The following CHST3 variants were observed in gnomAD, a reference collection of about 807,000 sequenced individuals.
The protein encoded by CHST3 is C6ST-1.
CHST3 carries 20 observed loss-of-function variants against 35.4 expected under a neutral mutation model. The ratio of observed to expected loss-of-function variants is 0.57; its 90% CI spans 0.40 to 0.82. CHST3 has a LOEUF of 0.82. Ranked by LOEUF, CHST3 falls within the 40% of genes least tolerant of loss-of-function variation. The pLI, the probability that CHST3 is intolerant of heterozygous loss-of-function variation, is 0.00. For synonymous variants in CHST3, 334 were observed against 295.9 expected (o/e 1.13, Z -1.32); for missense variants, 693 against 670.1 (o/e 1.03, Z -0.38).
chr10:71,989,653 A>G (rs912274658), intron 1 of CHST3, among the ~76,000 whole-genome samples: 1 of 145,610 alleles, frequency 6.9e-6, no homozygotes, highest in African/African-American at 2.8e-5. Context: ...ACTTTCTCTT[A>G]TATTGATATT....
intron 1 of CHST3, among the ~76,000 whole-genome samples, chr10:71,991,149 C>A (rs779764547): frequency 3.3e-5 from 5 of 152,148 alleles, no homozygotes; most frequent in Non-Finnish European, 5.9e-5. Flanking sequence ...ATCACTTTCA[C>A]CCACATCCTA....
intron 1 of CHST3, among the ~76,000 whole-genome samples, chr10:71,972,200 C>T (rs953948994): frequency 2.0e-5 from 3 of 152,088 alleles, no homozygotes; most frequent in Non-Finnish European, 4.4e-5. Context: ...ATGCCACAGC[C>T]GGTGAGGGGC....
chr10:72,005,078 T>C (rs1174041045), intron 1 of CHST3, among the ~76,000 whole-genome samples: 1 of 152,174 alleles, frequency 6.6e-6, no homozygotes, highest in Non-Finnish European at 1.5e-5. Flanking sequence ...TAAACTATGA[T>C]CGTGCCACTG....
rs1002755902 is a variant in CHST3 at position 72,010,289 on chromosome 10, G to C, written c.*1818G>C. On this transcript the variant is annotated 3_prime_UTR_variant, in exon 3 of 3. Coordinates refer to ENST00000373115, the MANE Select transcript of CHST3 (RefSeq NM_004273.5). ...TCCAGAGCTTACAAGGAGCTGCAAG[G>C]GTTTGCCGAGGGCTGCCCAGCTCTG... 3 of 152,260 alleles carry C rather than the reference G, an allele frequency of 2.0e-5. No individual in the cohort carries two copies. Among genetic ancestry groups the C allele is most frequent in the African/African-American group, 7.2e-5 (3 of 41,448 alleles). The allele number at this position is 152,260 out of a possible 1,614,324, so 9.4% of individuals were successfully genotyped here.
intron 1 of CHST3, among the ~76,000 whole-genome samples, chr10:71,977,616 T>A (rs1037798171): frequency 1.3e-5 from 2 of 151,370 alleles, no homozygotes; most frequent in Non-Finnish European, 3.0e-5. Context: ...AATTTTTAAA[T>A]TTTTTTTTAG....
intron 1 of CHST3, among the ~76,000 whole-genome samples, chr10:71,980,348 C>T (rs542952644): frequency 3.3e-5 from 5 of 152,034 alleles, no homozygotes; most frequent in South Asian, 2.1e-4. Flanking sequence ...TACTCCAACC[C>T]GGGCAACAAA....
At chr10:72,005,180 A>G (rs577047922) in intron 1 of CHST3, among the ~76,000 whole-genome samples, 1 of 152,310 alleles carries the variant, frequency 6.6e-6, no homozygotes, top group African/African-American at 2.4e-5. Flanking sequence ...ACTGCTGTCA[A>G]ACATTCTATA....
intron 1 of CHST3, among the ~76,000 whole-genome samples, chr10:71,996,554 C>T (rs2131761483): frequency 6.6e-6 from 1 of 151,792 alleles, no homozygotes; most frequent in South Asian, 2.1e-4. Flanking sequence ...TTTTTTGGTG[C>T]AGCGTCATAA....
chr10:71,994,201 G>T (rs1302940588), intron 1 of CHST3, among the ~76,000 whole-genome samples: 1 of 151,832 alleles, frequency 6.6e-6, no homozygotes, highest in Non-Finnish European at 1.5e-5. Context: ...GGAGTTTGAG[G>T]CTACAGTAAG....
chr10:72,001,223 G>T (rs1839990265), intron 1 of CHST3, among the ~76,000 whole-genome samples: 1 of 152,202 alleles, frequency 6.6e-6, no homozygotes, highest in Non-Finnish European at 1.5e-5. Flanking sequence ...TCAGCACTGT[G>T]CCTCTTTTCC....
intron 1 of CHST3, among the ~76,000 whole-genome samples, chr10:71,968,912 T>C (rs758821429): frequency 6.6e-6 from 1 of 152,158 alleles, no homozygotes; most frequent in Admixed American, 6.5e-5. Context: ...ATACCGTGAA[T>C]AGGGAAGAAA....
intron 1 of CHST3, among the ~76,000 whole-genome samples, chr10:71,973,324 C>G (rs1201592277): frequency 1.3e-5 from 2 of 152,218 alleles, no homozygotes; most frequent in Non-Finnish European, 2.9e-5. Flanking sequence ...CCTGCCTGCC[C>G]TGGATGCCCG....
intron 1 of CHST3, among the ~76,000 whole-genome samples, chr10:71,969,362 G>A (rs376736659): frequency 1.3e-5 from 2 of 152,338 alleles, no homozygotes; most frequent in South Asian, 2.1e-4. Flanking sequence ...GTTTTCAGTC[G>A]GGGTGGTATT....
At chr10:71,984,380 A>G (rs1471513448) in intron 1 of CHST3, among the ~76,000 whole-genome samples, 1 of 152,218 alleles carries the variant, frequency 6.6e-6, no homozygotes. Flanking sequence ...GCACTTTCTC[A>G]GTAAATCCCT....
Position 72,008,135 on chromosome 10 carries a change from G to T in CHST3, c.1104G>T (p.Leu368=). 6.5e-7 allele frequency: 1 copy of T among 1,548,272 alleles called. No individual in the cohort carries two copies. Among genetic ancestry groups the T allele is most frequent in the Non-Finnish European group, 8.7e-7 (1 of 1,146,314 alleles). Reference sequence around the variant, plus strand: ...CCTGGCTGCGGGGCCGCTACATGCTGGTGCGCTACGAGGACGTGGCACGCG... The same window carrying T: ...CCTGGCTGCGGGGCCGCTACATGCTTGTGCGCTACGAGGACGTGGCACGCG... The part of the protein sequence containing the change: ...QPAWLRGRYM[L]VRYEDVARGP... Residue 368 remains leucine (L), a synonymous_variant, in exon 3 of 3, where the codon CTG becomes CTT. Transcript: ENST00000373115.
chr10:71,979,087 G>A (rs566244760), intron 1 of CHST3, among the ~76,000 whole-genome samples: 20 of 152,226 alleles, frequency 1.3e-4, no homozygotes, highest in East Asian at 3.9e-4. Flanking sequence ...CAGCGATAGC[G>A]CACACGTGTT....
At chr10:71,992,290 A>C (rs544896444) in intron 1 of CHST3, among the ~76,000 whole-genome samples, 1 of 151,908 alleles carries the variant, frequency 6.6e-6, no homozygotes, top group African/African-American at 2.4e-5. Flanking sequence ...CAATGCCCCG[A>C]CCTCAGCCTT....
At chr10:72,000,050 C>T (rs1038572883) in intron 1 of CHST3, among the ~76,000 whole-genome samples, 3 of 152,204 alleles carry the variant, frequency 2.0e-5, no homozygotes, top group Non-Finnish European at 4.4e-5. Flanking sequence ...GGCCATGGTT[C>T]GCACCGTGGT....
At chr10:71,996,721 A>G (rs1195417606) in intron 1 of CHST3, among the ~76,000 whole-genome samples, 1 of 152,142 alleles carries the variant, frequency 6.6e-6, no homozygotes, top group East Asian at 1.9e-4. Flanking sequence ...AAGGCAGTGC[A>G]TAAGTCCATT....
Sources: allele counts gnomAD v4.1 joint callset (sites outside exome capture counted in the v4.1 genomes callset), GRCh38; gene constraint gnomAD v4.1.1; transcripts MANE v1.5; gene names NCBI Gene and HGNC (gene_info 2026-07-23, HGNC 2026-07-21).